TEX9: variants seen among roughly 807,000 people sequenced by gnomAD.
TEX9 encodes testis expressed 9, also known as testis-expressed protein 9.
Under a neutral mutation model 59.6 loss-of-function variants are expected in TEX9, and 74 were observed. The ratio of observed to expected loss-of-function variants is 1.24; its 90% confidence interval spans 1.03 to 1.51. The LOEUF (loss-of-function observed/expected upper bound fraction) is 1.51, where lower values mean the gene tolerates loss of function less well. TEX9 is among the 40% of genes most tolerant of loss of function. TEX9 has a pLI of 0.00. For missense variants in TEX9, 522 were observed against 447.8 expected, an observed-to-expected ratio of 1.17 and a Z score of -1.49; for synonymous variants, 186 against 152.2, an observed-to-expected ratio of 1.22 and a Z score of -1.64.
chr15:56,253,098 C>G (rs1312675973), intron 1 of TEX9, among the ~76,000 whole-genome samples: 1 of 152,196 alleles, frequency 6.6e-6, no homozygotes, highest in South Asian at 2.1e-4. Flanking sequence ...TTACATGCCA[C>G]TACTTTATAG....
chr15:56,439,467 T>C (rs1419071149), intron 12 of TEX9, among the ~76,000 whole-genome samples: 1 of 152,010 alleles, frequency 6.6e-6, no homozygotes, highest in Non-Finnish European at 1.5e-5. Flanking sequence ...TTTTAAGACT[T>C]GCCATATAGC....
intron 9 of TEX9, among the ~76,000 whole-genome samples, chr15:56,410,771 A>G (rs1425624620): frequency 1.3e-5 from 2 of 152,188 alleles, no homozygotes; most frequent in Non-Finnish European, 2.9e-5. Flanking sequence ...ATTCATTTCT[A>G]TATTCTTAAG....
At position 56,382,208 on chromosome 15, in the gene TEX9, G is replaced by T. The variant is rs369115134; in HGVS notation, c.184-1744G>T. Among the ~76,000 whole-genome samples, 64 of 152,184 alleles carry T rather than the reference G, an allele frequency of 4.2e-4. No individual in the cohort carries two copies. In the East Asian group the frequency reaches 0.011, roughly 25 times the overall value. ...TCACTTAAAGCCCAAGGGCTTTTCA[G>T]TCAGGTCGTGGTGAATGTTGCCAGG... On this transcript the variant is annotated intron_variant, in intron 3 of 12. Coordinates refer to ENST00000352903, the Ensembl canonical transcript of TEX9.
intron 1 of TEX9, among the ~76,000 whole-genome samples, chr15:56,254,514 ACT>A (rs1555428999): frequency 6.6e-6 from 1 of 151,434 alleles, no homozygotes; most frequent in Non-Finnish European, 1.5e-5. Flanking sequence ...GAGGCTCCTC[ACT>A]CTGAAAAGAA....
intron 4 of TEX9, among the ~76,000 whole-genome samples, chr15:56,384,926 A>G (rs2047893727): frequency 6.6e-6 from 1 of 152,204 alleles, no homozygotes; most frequent in Non-Finnish European, 1.5e-5. Context: ...ATACCTGATT[A>G]TCTAATTCAG....
chr15:56,458,916 C>A, the TEX9 span, among the ~76,000 whole-genome samples: 1 of 152,100 alleles, frequency 6.6e-6, no homozygotes, highest in Non-Finnish European at 1.5e-5. Context: ...ATATTATAAA[C>A]ATTTGTGCTA....
chr15:56,255,334 C>A (rs2044121469), intron 1 of TEX9, among the ~76,000 whole-genome samples: 1 of 151,960 alleles, frequency 6.6e-6, no homozygotes, highest in African/African-American at 2.4e-5. Context: ...GAGGTAAGTT[C>A]TAAAAGCTGT....
At chr15:56,286,877 T>C (rs1450224942) in intron 1 of TEX9, among the ~76,000 whole-genome samples, 1 of 7,220 alleles carries the variant, frequency 1.4e-4, no homozygotes, top group African/African-American at 1.5e-4. Context: ...TGCATGTAAT[T>C]TGGCATATTT....
chr15:56,448,856 C>T (rs181612425), downstream of TEX9, among the ~76,000 whole-genome samples: 10 of 151,084 alleles, frequency 6.6e-5, no homozygotes, highest in African/African-American at 2.2e-4. Flanking sequence ...CAGGTTCACG[C>T]GATTCTCCTG....
At chr15:56,371,910 A>G (rs1052846795) in intron 2 of TEX9, among the ~76,000 whole-genome samples, 20 of 152,206 alleles carry the variant, frequency 1.3e-4, no homozygotes, top group African/African-American at 4.8e-4. Context: ...TGTGTTTCAC[A>G]GGTGTATCCC....
chr15:56,258,886 A>G lies in TEX9; in HGVS notation c.-107+14608A>G, dbSNP rs2044202744. ...TGTAGATATGTTATTTGTTGGATAT[A>G]TATGAATATATATGTGTATATATAT... On this transcript the variant is annotated intron_variant, in intron 1 of 5. Transcript: ENST00000560827. 2.0e-5 allele frequency among the ~76,000 whole-genome samples: 3 copies of G among 150,088 alleles called. No individual in the cohort carries two copies. The South Asian group carries it at 6.2e-4, about 31-fold the overall frequency.
At chr15:56,407,009 C>G (rs1370576357) in intron 9 of TEX9, among the ~76,000 whole-genome samples, 2 of 151,972 alleles carry the variant, frequency 1.3e-5, no homozygotes, top group Admixed American at 6.6e-5. Flanking sequence ...TTTCCCCATT[C>G]TATCTAAGAA....
intron 1 of TEX9, among the ~76,000 whole-genome samples, chr15:56,280,969 A>G (rs2044802480): frequency 6.6e-6 from 1 of 152,228 alleles, no homozygotes. Flanking sequence ...AGAGGGATTT[A>G]ATGAATTTAA....
intron 1 of TEX9, among the ~76,000 whole-genome samples, chr15:56,247,243 G>A (rs2043880979): frequency 6.6e-6 from 1 of 152,090 alleles, no homozygotes; most frequent in African/African-American, 2.4e-5. Context: ...TATTGGGCAC[G>A]GAAAATATGA....
chr15:56,273,545 A>G (rs2044598700), intron 1 of TEX9, among the ~76,000 whole-genome samples: 1 of 152,228 alleles, frequency 6.6e-6, no homozygotes, highest in Non-Finnish European at 1.5e-5. Flanking sequence ...AGAGCAATTA[A>G]AATAAGGAAA....
At chr15:56,403,957 C>A (rs2048935859) in intron 9 of TEX9, among the ~76,000 whole-genome samples, 1 of 152,206 alleles carries the variant, frequency 6.6e-6, no homozygotes, top group South Asian at 2.1e-4. Flanking sequence ...GGATCCCTTC[C>A]TTACACGTTA....
At chr15:56,270,900 A>G (rs974573205) in intron 1 of TEX9, among the ~76,000 whole-genome samples, 66 of 152,256 alleles carry the variant, frequency 4.3e-4, no homozygotes, top group Non-Finnish European at 4.4e-4. Context: ...ATGAAGCTTA[A>G]TTTGGCTGGA....
intron 1 of TEX9, among the ~76,000 whole-genome samples, chr15:56,256,165 G>A (rs760098964): frequency 6.6e-6 from 1 of 152,028 alleles, no homozygotes; most frequent in Non-Finnish European, 1.5e-5. Context: ...ATTATGCTAA[G>A]TGATCTACAT....
At chr15:56,304,050 T>TTGAA (rs1298874731) in intron 1 of TEX9, among the ~76,000 whole-genome samples, 1 of 152,180 alleles carries the variant, frequency 6.6e-6, no homozygotes, top group East Asian at 1.9e-4. Flanking sequence ...GGCTTTAGTG[T>TTGAA]TGAATTCTAA....
Sources: allele counts gnomAD v4.1 joint callset (sites outside exome capture counted in the v4.1 genomes callset), GRCh38; gene constraint gnomAD v4.1.1; transcripts MANE v1.5; gene names NCBI Gene and HGNC (gene_info 2026-07-23, HGNC 2026-07-21).